FBN2: variants seen among roughly 807,000 people sequenced by gnomAD.
FBN2 encodes fibrillin-2.
FBN2 carries 105 observed loss-of-function variants against 355.6 expected under a neutral mutation model. The ratio of observed to expected loss-of-function variants is 0.30; its 90% confidence interval spans 0.25 to 0.35. The LOEUF (loss-of-function observed/expected upper bound fraction) is 0.35, where lower values mean the gene tolerates loss of function less well. FBN2 is among the 10% of genes least tolerant of loss of function. The pLI is 1.00. For missense variants in FBN2, 3,280 were observed against 3,758.7 expected (o/e 0.87, Z 3.33); for synonymous variants, 1,350 against 1,301.2 (o/e 1.04, Z -0.81).
rs1467816424 is a variant in FBN2, at chr5:128,329,150, A to G, written c.4346-329T>C. Among the ~76,000 whole-genome samples the G allele has an allele frequency of 8.5e-5, 13 of 152,296 alleles. No individual in the cohort carries two copies. The South Asian group carries it at 2.3e-3, about 27-fold the overall frequency. The stretch of plus-strand genomic sequence containing the variant: ...AGTAGTATGCCAACATTATTTAGAT[A>G]TGAAAAAGAACATTGGAATTAATCT... On this transcript the variant is annotated intron_variant, in intron 33 of 64. Transcript: ENST00000262464.
At chr5:128,277,752 G>GC in intron 58 of FBN2, 128 bp downstream of exon 58, 1 of 1,094,128 alleles carries the variant, frequency 9.1e-7, no homozygotes, top group Non-Finnish European at 1.4e-6. Flanking sequence ...TGAGAGGATG[G>GC]CAACATTTTA....
At chr5:128,395,026 T>C (rs1752610557) in intron 9 of FBN2, 96 bp downstream of exon 9, 1 of 1,383,994 alleles carries the variant, frequency 7.2e-7, no homozygotes. Context: ...ACTCAAGCAA[T>C]CCACCTGCCT....
intron 7 of FBN2, among the ~76,000 whole-genome samples, chr5:128,435,180 G>T (rs888181967): frequency 6.6e-6 from 1 of 152,078 alleles, no homozygotes; most frequent in African/African-American, 2.4e-5. Context: ...CTCCATTGCT[G>T]TAATTTAGGT....
chr5:128,280,339 G>A (rs369322703), intron 55 of FBN2, 22 bp from the exon 56 acceptor site: 3 of 1,585,316 alleles, frequency 1.9e-6, no homozygotes, highest in African/African-American at 2.7e-5. Context: ...CAAACAATAT[G>A]AATAATGAGA....
rs754211806 is a variant in FBN2 at position 128,286,845 on chromosome 5, C to T, written c.6885G>A (p.Leu2295=). 1.1e-5 allele frequency: 17 copies of T among 1,614,022 alleles called. No homozygotes were observed. The highest frequency in any genetic ancestry group is 1.7e-5 in the Admixed American group (1 of 60,018). ...LREDQKMCKD[L]DECAEGLHDC... is the part of the protein sequence containing the mutation. Reference sequence around the variant, plus strand: ...CGTGTAACCCTTCAGCACATTCATCCAGATCTAGAACAAAAAATAAAAATT... The same window carrying T: ...CGTGTAACCCTTCAGCACATTCATCTAGATCTAGAACAAAAAATAAAAATT... The change falls in exon 55 of 65, where the codon CTG becomes CTA. Residue 2295 remains leucine (L), a synonymous_variant. Transcript: ENST00000262464.
rs1381417516 is a variant in FBN2 at position 128,297,780 on chromosome 5, G to C, written c.6166+3037C>G. Among the ~76,000 whole-genome samples the C allele has an allele frequency of 1.1e-4, 17 of 152,214 alleles. 1 individual carries two copies. Among genetic ancestry groups the C allele is most frequent in the African/African-American group, 2.9e-4 (12 of 41,546 alleles). ...AATACAGCACACTGATGGGTCTTGA[G>C]TCTTTATCCAATTTGCCAGTCTGTG... On this transcript the variant is annotated intron_variant, in intron 48 of 64. Transcript: ENST00000262464.
At position 128,393,379 on chromosome 5, in the gene FBN2, A is replaced by C. The variant is rs1581260496; in HGVS notation, c.1232-11T>G. On this transcript the variant is annotated splice_polypyrimidine_tract_variant and intron_variant, in intron 9 of 64. Transcript: ENST00000262464. ...GTCTGCGATATTCCTCTAGAAGAAA[A>C]GAAAGTTGGCATTAAGCACAGGTGA... The C allele has an allele frequency of 6.2e-7, 1 of 1,612,094 alleles. No individual in the cohort carries two copies. Among genetic ancestry groups the C allele is most frequent in the East Asian group, 2.2e-5 (1 of 44,838 alleles).
chr5:128,391,855 T>G (rs1752520239), intron 11 of FBN2, among the ~76,000 whole-genome samples, 163 bp downstream of exon 11: 1 of 152,078 alleles, frequency 6.6e-6, no homozygotes, highest in African/African-American at 2.4e-5. Flanking sequence ...TAGCTCAGCA[T>G]AGGTTAAGGG....
At position 128,288,922 on chromosome 5, in the gene FBN2, G is replaced by C. The variant is rs573423985; in HGVS notation, c.6637+205C>G. ...CACATAAGATTTTGTATGTTTGGTT[G>C]AAGACAGAGGTTGTTAACTCTCTCC... On this transcript the variant is annotated intron_variant, in intron 52 of 64. Coordinates refer to ENST00000262464, the MANE Select transcript of FBN2 (RefSeq NM_001999.4). 2.0e-5 allele frequency among the ~76,000 whole-genome samples: 3 copies of C among 152,332 alleles called. No homozygotes were observed. In the South Asian group the frequency reaches 6.2e-4, roughly 32 times the overall value.
intron 5 of FBN2, among the ~76,000 whole-genome samples, chr5:128,486,754 T>A (rs918260491): frequency 6.6e-6 from 1 of 152,192 alleles, no homozygotes; most frequent in Non-Finnish European, 1.5e-5. Flanking sequence ...GTATTTCTAC[T>A]AATGCCATCC....
At chr5:128,309,462 A>T in intron 40 of FBN2, 63 bp from the exon 41 acceptor site, 2 of 1,414,898 alleles carry the variant, frequency 1.4e-6, no homozygotes, top group Non-Finnish European at 1.0e-6. Context: ...AATGAAGCCC[A>T]CACAGCTGTA....
At chr5:128,390,076 G>A (rs1354147013) in intron 11 of FBN2, among the ~76,000 whole-genome samples, 2 of 151,902 alleles carry the variant, frequency 1.3e-5, no homozygotes, top group Non-Finnish European at 2.9e-5. Context: ...CCTAACTACT[G>A]CAGATCCTGC....
chr5:128,418,578 T>C (rs1208447957), intron 7 of FBN2, among the ~76,000 whole-genome samples: 2 of 152,202 alleles, frequency 1.3e-5, no homozygotes, highest in Admixed American at 6.5e-5. Flanking sequence ...ATTTTTAAAA[T>C]GTCCTTATTC....
Position 128,318,186 on chromosome 5 carries a change from G to C in FBN2, c.4680C>G (p.Pro1560=), listed in dbSNP as rs377502943. 1 of 1,613,996 alleles carries C rather than the reference G, an allele frequency of 6.2e-7. No individual in the cohort carries two copies. The highest frequency in any genetic ancestry group is 2.2e-5 in the East Asian group (1 of 44,872). The stretch of plus-strand genomic sequence containing the variant: ...CACCAGTTGGGTTCAACTGAAAATC[G>C]GGTGGGCAGTTACACTCATAGCGAC... The part of the protein sequence containing the change: ...TPGRYECNCP[P]DFQLNPTGVG... Residue 1560 remains proline, a synonymous_variant, in exon 36 of 65, where the codon CCC becomes CCG. Coordinates refer to ENST00000262464, the MANE Select transcript of FBN2 (RefSeq NM_001999.4).
intron 2 of FBN2, among the ~76,000 whole-genome samples, chr5:128,534,509 A>AT (rs1756794989): frequency 6.6e-6 from 1 of 152,248 alleles, no homozygotes; most frequent in Admixed American, 6.5e-5. Flanking sequence ...TCTAATAAAT[A>AT]TTTTTGTAGA....
intron 18 of FBN2, 94 bp downstream of exon 18, chr5:128,364,506 T>A: frequency 7.7e-7 from 1 of 1,298,856 alleles, no homozygotes; most frequent in Middle Eastern, 1.9e-4. Flanking sequence ...ACTGTACAAT[T>A]TTTAGTTTTA....
chr5:128,310,074 A>G lies in FBN2; in HGVS notation c.5109T>C (p.Cys1703=). 1.2e-6 allele frequency: 2 copies of G among 1,613,298 alleles called. No individual in the cohort carries two copies. The highest frequency in any genetic ancestry group is 1.7e-6 in the Non-Finnish European group (2 of 1,179,306). ...GGGTGTTATAGCAGGTCCCAGGCCCACACACACCAGGATGTGCAAAACACT... is the reference window on the plus strand; with the variant it reads ...GGGTGTTATAGCAGGTCCCAGGCCCGCACACACCAGGATGTGCAAAACACT... ...IDECFAHPGV[C]GPGTCYNTLG... is the part of the protein sequence containing the mutation. The change falls in exon 40 of 65, where the codon TGT becomes TGC. Residue 1703 remains cysteine, a synonymous_variant. Coordinates refer to ENST00000262464, the MANE Select transcript of FBN2 (RefSeq NM_001999.4).
At chr5:128,290,474 G>A (rs1408728714) in intron 50 of FBN2, among the ~76,000 whole-genome samples, 1 of 152,018 alleles carries the variant, frequency 6.6e-6, no homozygotes, top group Admixed American at 6.5e-5. Flanking sequence ...TCTCAAATTC[G>A]TACTTTTGAA....
At chr5:128,473,621 A>T (rs983969188) in intron 5 of FBN2, among the ~76,000 whole-genome samples, 1 of 152,040 alleles carries the variant, frequency 6.6e-6, no homozygotes, top group Admixed American at 6.6e-5. Context: ...GGTTTTCTAC[A>T]TTCTCAGCTT....
Sources: allele counts gnomAD v4.1 joint callset (sites outside exome capture counted in the v4.1 genomes callset), GRCh38; gene constraint gnomAD v4.1.1; transcripts MANE v1.5; gene names NCBI Gene and HGNC (gene_info 2026-07-23, HGNC 2026-07-21).